Variants in KCNQ2 observed in about 807,000 individuals in gnomAD.
KCNQ2 encodes the protein potassium voltage-gated channel subfamily KQT member 2.
In KCNQ2, 14 loss-of-function variants were observed where a neutral mutation model predicts 84.8. The ratio of observed to expected loss-of-function variants is 0.17; its 90% CI spans 0.11 to 0.26. The LOEUF (loss-of-function observed/expected upper bound fraction) is 0.26, where lower values mean the gene tolerates loss of function less well. KCNQ2 is among the 10% of genes least tolerant of loss of function. The pLI, the probability that KCNQ2 is intolerant of heterozygous loss-of-function variation, is 1.00. For missense variants in KCNQ2, 788 were observed against 1,254.0 expected, an observed-to-expected ratio of 0.63 and a Z score of 5.61; for synonymous variants, 599 against 554.1, an observed-to-expected ratio of 1.08 and a Z score of -1.14.
Position 63,446,669 on chromosome 20 carries a change from A to G in KCNQ2, c.387+78T>C. 8.1e-7 allele frequency: 1 copy of G among 1,236,524 alleles called. No homozygotes were observed. Among genetic ancestry groups the G allele is most frequent in the Non-Finnish European group, 1.2e-6 (1 of 838,898 alleles). The allele number at this position is 1,236,524 out of a possible 1,614,324, so 76.6% of individuals were successfully genotyped here. ...GGGGCGTCAGAGGCCCTGTAGTAAC[A>G]GGAACGGAAGACAGACGCCCAGGCA... On this transcript the variant is annotated intron_variant, in intron 2 of 16. Transcript: ENST00000359125. This position sits in a 1 kb window ranked among gnomAD's most constrained non-coding sequence, Gnocchi z 5.5.
intron 15 of KCNQ2, among the ~76,000 whole-genome samples, chr20:63,409,374 A>C (rs1340077900): frequency 6.6e-6 from 1 of 152,262 alleles, no homozygotes; most frequent in Non-Finnish European, 1.5e-5. Context: ...ATGAGGCCAC[A>C]GGTCACTCAT....
At chr20:63,468,873 C>A (rs984203616) in intron 1 of KCNQ2, among the ~76,000 whole-genome samples, 1 of 152,238 alleles carries the variant, frequency 6.6e-6, no homozygotes, top group Admixed American at 6.5e-5. Context: ...TGGGACCCCC[C>A]CTTTCAGTTA....
chr20:63,414,247 C>G lies in KCNQ2; in HGVS notation c.1526-54G>C. ...GCCGAGGGGGCCGGGAGACCTATTC[C>G]CGGGGTCCTGCAGGGCACACCGGCT... On this transcript the variant is annotated intron_variant, in intron 13 of 16. Coordinates refer to ENST00000359125, the MANE Select transcript of KCNQ2 (RefSeq NM_172107.4). This position sits in a 1 kb window ranked among gnomAD's most constrained non-coding sequence, Gnocchi z 6.6. 1 of 1,343,482 alleles carries G rather than the reference C, an allele frequency of 7.4e-7. No individual in the cohort carries two copies. The highest frequency in any genetic ancestry group is 1.2e-5 in the South Asian group (1 of 85,326). 83.2% of individuals were successfully genotyped at this position (1,343,482 alleles called of 1,614,324 possible).
At chr20:63,452,168 G>A (rs866099252) in intron 1 of KCNQ2, among the ~76,000 whole-genome samples, 19 of 151,536 alleles carry the variant, frequency 1.3e-4, no homozygotes, top group Admixed American at 3.9e-4. Context: ...AGATGAAGGC[G>A]CAGGGGCCAA....
intron 4 of KCNQ2, among the ~76,000 whole-genome samples, chr20:63,443,445 C>T (rs374584139): frequency 0.025 from 1,092 of 43,034 alleles, 22 homozygotes; most frequent in East Asian, 0.068. Flanking sequence ...ACCATCACCA[C>T]CACCATCACC....
chr20:63,407,915 C>T lies in KCNQ2; in HGVS notation c.1887+498G>A. ...CAGAGCCAGGCCCTCCTGCTGCCCA[C>T]CGTGGAACCCCCTTCAGGAAAGCCC... On this transcript the variant is annotated intron_variant, in intron 16 of 16. Coordinates refer to ENST00000359125, the MANE Select transcript of KCNQ2 (RefSeq NM_172107.4). The surrounding 1 kb of genome is among the most constrained non-coding windows in gnomAD (Gnocchi z 7.2). 1 of 210,746 alleles carries T rather than the reference C, an allele frequency of 4.7e-6. No individual in the cohort carries two copies. Among genetic ancestry groups the T allele is most frequent in the Non-Finnish European group, 9.7e-6 (1 of 103,266 alleles). 13.1% of individuals were successfully genotyped at this position (210,746 alleles called of 1,614,324 possible). A position where few individuals can be genotyped will look rare whatever the true frequency, so the allele number is the denominator to read the frequency against.
At chr20:63,450,527 C>A in intron 1 of KCNQ2, among the ~76,000 whole-genome samples, 2 of 125,156 alleles carry the variant, frequency 1.6e-5, no homozygotes, top group African/African-American at 6.0e-5. Context: ...CCCCAGAAGA[C>A]CTGCTGGGGG....
chr20:63,437,026 G>A (rs972641455), intron 7 of KCNQ2, among the ~76,000 whole-genome samples: 1 of 152,184 alleles, frequency 6.6e-6, no homozygotes, highest in African/African-American at 2.4e-5. Context: ...AGATCTGCCT[G>A]CCTCAGCCTC....
chr20:63,455,455 G>A (rs1381086546), intron 1 of KCNQ2, among the ~76,000 whole-genome samples: 1 of 152,186 alleles, frequency 6.6e-6, no homozygotes, highest in African/African-American at 2.4e-5. Flanking sequence ...CCAGCCCCGT[G>A]CCCATCAGAC....
Position 63,432,249 on chromosome 20 carries a change from C to T in KCNQ2, c.1119-880G>A, listed in dbSNP as rs114839087. Among the ~76,000 whole-genome samples, 849 of 149,698 alleles carry T rather than the reference C, an allele frequency of 5.7e-3. 11 individuals carry two copies. Among genetic ancestry groups the T allele is most frequent in the African/African-American group, 0.02 (806 of 40,212 alleles). ...CTCCACCCACAGGGAAGGATCCACC[C>T]ACAGGGAAGGCCCCAGCCTCTGGGA... On this transcript the variant is annotated intron_variant, in intron 8 of 16. Coordinates refer to ENST00000359125, the MANE Select transcript of KCNQ2 (RefSeq NM_172107.4).
Position 63,424,195 on chromosome 20 carries a change from G to T in KCNQ2, c.1229C>A (p.Pro410Gln). Residue 410 changes from proline to glutamine, a missense_variant, in exon 11 of 17, where the codon CCG becomes CAG. Pro to Gln is a moderately conservative substitution (Grantham distance 76). Coordinates refer to ENST00000359125, the MANE Select transcript of KCNQ2 (RefSeq NM_172107.4). ...KSGLAFRKDPPPEPSPSKGSP... is the reference protein window; with the variant it reads ...KSGLAFRKDPQPEPSPSKGSP... ...CACTGACCTTGGAGACGGCTCCGGC[G>T]GGGGGTCCTTCCTTCAAACAGAAGC... 1 of 1,555,828 alleles carries T rather than the reference G, an allele frequency of 6.4e-7. No homozygotes were observed. The highest frequency in any genetic ancestry group is 8.7e-7 in the Non-Finnish European group (1 of 1,149,044).
chr20:63,439,703 C>T lies in KCNQ2; in HGVS notation c.822G>A (p.Thr274=), dbSNP rs377485599. ...YADALWWGLI[T]LTTIGYGDKY... ...TGTCCCCGTAGCCAATGGTGGTCAG[C>T]GTGATCTGTGGGACCGCAGGCTCTA... The change falls in exon 6 of 17, where the codon ACG becomes ACA. Residue 274 remains threonine (T), a synonymous_variant. Coordinates refer to ENST00000359125, the MANE Select transcript of KCNQ2 (RefSeq NM_172107.4). The T allele has an allele frequency of 2.5e-5, 41 of 1,612,154 alleles. No homozygotes were observed. The highest frequency in any genetic ancestry group is 4.5e-5 in the East Asian group (2 of 44,882).
At chr20:63,435,120 G>A (rs2080955111) in intron 7 of KCNQ2, among the ~76,000 whole-genome samples, 1 of 152,202 alleles carries the variant, frequency 6.6e-6, no homozygotes, top group Admixed American at 6.5e-5. Flanking sequence ...CAGCCGCCCT[G>A]GCCTGGCGCA....
intron 9 of KCNQ2, among the ~76,000 whole-genome samples, chr20:63,431,106 C>T (rs920959849): frequency 6.6e-6 from 1 of 152,222 alleles, no homozygotes; most frequent in Non-Finnish European, 1.5e-5. Context: ...TGGATGGGCC[C>T]TGGGAGGGCA....
In KCNQ2 at chr20:63,403,298, C is replaced by T. The variant is rs1416900285; in HGVS notation, c.*3346G>A. The T allele has an allele frequency of 6.6e-6, 1 of 152,284 alleles. No individual in the cohort carries two copies. Among genetic ancestry groups the T allele is most frequent in the Admixed American group, 6.5e-5 (1 of 15,286 alleles). The allele number at this position is 152,284 out of a possible 1,614,324, so 9.4% of individuals were successfully genotyped here. ...CACGACCCCTAAAGCCACAATTACT[C>T]CTTGTAGCCCCTCCCCAGGCAGCTT... On this transcript the variant is annotated 3_prime_UTR_variant, in exon 17 of 17. Coordinates refer to ENST00000359125, the MANE Select transcript of KCNQ2 (RefSeq NM_172107.4).
intron 1 of KCNQ2, among the ~76,000 whole-genome samples, chr20:63,461,549 G>A (rs2081946631): frequency 6.6e-6 from 1 of 152,182 alleles, no homozygotes; most frequent in Non-Finnish European, 1.5e-5. Flanking sequence ...TGCAGCTCCT[G>A]GTCAGGACCA....
chr20:63,418,010 G>A (rs2080349438), intron 12 of KCNQ2, among the ~76,000 whole-genome samples: 1 of 152,166 alleles, frequency 6.6e-6, no homozygotes, highest in Non-Finnish European at 1.5e-5. Context: ...CTGCCAGGAA[G>A]AGGAGGGTGG....
In KCNQ2 at chr20:63,438,258, C is replaced by T. The variant is rs6089913; in HGVS notation, c.1023+367G>A. 0.22 allele frequency: 79,017 copies of T among 362,986 alleles called. 9,843 individuals carry two copies. The highest frequency in any genetic ancestry group is 0.27 in the Non-Finnish European group (51,669 of 190,232). 22.5% of individuals were successfully genotyped at this position (362,986 alleles called of 1,614,324 possible). A position where few individuals can be genotyped will look rare whatever the true frequency, so the allele number is the denominator to read the frequency against. On this transcript the variant is annotated intron_variant, in intron 7 of 16. Transcript: ENST00000359125. This position sits in a 1 kb window ranked among gnomAD's most constrained non-coding sequence, Gnocchi z 5.1. ...CCCACAGCCAGCATCAGGGGTCAGACGAGGTCAGGCACTGACTCACTGCAG... is the reference window on the plus strand; with the variant it reads ...CCCACAGCCAGCATCAGGGGTCAGATGAGGTCAGGCACTGACTCACTGCAG...
chr20:63,435,973 T>G (rs2080985769), intron 7 of KCNQ2, among the ~76,000 whole-genome samples: 1 of 148,206 alleles, frequency 6.7e-6, no homozygotes, highest in Non-Finnish European at 1.5e-5. Context: ...ACATTTGACA[T>G]GTGTGTGGTT....
Sources: gnomAD v4.1 joint callset for allele counts (sites outside exome capture counted in the v4.1 genomes callset) on GRCh38, gnomAD v4.1.1 for gene constraint, Gnocchi (gnomAD v3.1) non-coding constraint, MANE v1.5 for transcripts, NCBI Gene and HGNC (gene_info 2026-07-23, HGNC 2026-07-21) for gene names.